Variants in BCAS3 observed in about 807,000 individuals in gnomAD.
BCAS3 encodes the protein BCAS4/BCAS3 fusion.
A neutral mutation model predicts 116.1 loss-of-function variants in BCAS3; 53 were observed. The observed-to-expected ratio is 0.46, with a 90% confidence interval of 0.37 to 0.57. BCAS3 has a LOEUF of 0.57. Ranked by LOEUF, BCAS3 falls within the 20% of genes least tolerant of loss-of-function variation. BCAS3 has a pLI of 0.00. For missense variants in BCAS3, 917 were observed against 1,165.4 expected (o/e 0.79, Z 3.10); for synonymous variants, 391 against 408.2 (o/e 0.96, Z 0.51).
chr17:60,689,467 A>G (rs1393099776), intron 3 of BCAS3, among the ~76,000 whole-genome samples: 2 of 152,134 alleles, frequency 1.3e-5, no homozygotes, highest in African/African-American at 4.8e-5. Context: ...CCTAGCCTGC[A>G]GTTCTTTTAA....
intron 22 of BCAS3, among the ~76,000 whole-genome samples, chr17:61,331,442 G>A (rs1208233377): frequency 6.6e-6 from 1 of 152,046 alleles, no homozygotes; most frequent in Non-Finnish European, 1.5e-5. Flanking sequence ...GCTTTATTTG[G>A]CACAGGAGGA....
At chr17:60,718,252 A>G (rs1487947613) in intron 5 of BCAS3, among the ~76,000 whole-genome samples, 1 of 150,034 alleles carries the variant, frequency 6.7e-6, no homozygotes, top group African/African-American at 2.5e-5. Flanking sequence ...ATTTTACTAT[A>G]CTTTTTTTTT....
In BCAS3 at chr17:61,220,108, A is replaced by G. The variant is rs2082026940; in HGVS notation, c.2425+135544A>G. On this transcript the variant is annotated intron_variant, in intron 22 of 23. Coordinates refer to ENST00000407086, the MANE Select transcript of BCAS3 (RefSeq NM_017679.5). The surrounding 1 kb of genome is among the most constrained non-coding windows in gnomAD (Gnocchi z 4.5). The stretch of plus-strand genomic sequence containing the variant: ...CAGGAGTTTGAGACCAGCCTGGCCA[A>G]TACAGTGAAATCACGTCTCTACTAA... Among the ~76,000 whole-genome samples the G allele has an allele frequency of 6.6e-6, 1 of 152,120 alleles. No individual in the cohort carries two copies. The highest frequency in any genetic ancestry group is 1.5e-5 in the Non-Finnish European group (1 of 68,024).
intron 7 of BCAS3, among the ~76,000 whole-genome samples, chr17:60,846,757 G>A (rs2052572189): frequency 6.6e-6 from 1 of 151,688 alleles, no homozygotes; most frequent in Non-Finnish European, 1.5e-5. Context: ...CAGCCTCCCT[G>A]CCTCCCTCCC....
chr17:60,976,919 C>T (rs960058223), intron 14 of BCAS3, among the ~76,000 whole-genome samples: 4 of 152,202 alleles, frequency 2.6e-5, no homozygotes, highest in Non-Finnish European at 4.4e-5. Flanking sequence ...AAACCGCCAT[C>T]GTCATCATGG....
intron 14 of BCAS3, among the ~76,000 whole-genome samples, chr17:60,981,255 C>T (rs1293857789): frequency 6.6e-6 from 1 of 151,762 alleles, no homozygotes; most frequent in Non-Finnish European, 1.5e-5. Context: ...AATATAGTAA[C>T]CTTGTAGATG....
In BCAS3 at chr17:60,960,803, C is replaced by T. The variant is rs962451172; in HGVS notation, c.1221+13451C>T. Reference sequence around the variant, plus strand: ...TTTCTTTTTTTTTTTTTAATCATGCCTTTGTGCCTTTCAGTCCAAGATGGC... The same window carrying T: ...TTTCTTTTTTTTTTTTTAATCATGCTTTTGTGCCTTTCAGTCCAAGATGGC... On this transcript the variant is annotated intron_variant, in intron 14 of 23. Coordinates refer to ENST00000407086, the MANE Select transcript of BCAS3 (RefSeq NM_017679.5). The surrounding 1 kb of genome is among the most constrained non-coding windows in gnomAD (Gnocchi z 4.1). Among the ~76,000 whole-genome samples, 1 of 150,776 alleles carries T rather than the reference C, an allele frequency of 6.6e-6. No individual in the cohort carries two copies. Among genetic ancestry groups the T allele is most frequent in the Admixed American group, 6.6e-5 (1 of 15,092 alleles).
chr17:61,155,235 C>T (rs764113399), intron 22 of BCAS3, among the ~76,000 whole-genome samples: 8 of 151,998 alleles, frequency 5.3e-5, no homozygotes, highest in Non-Finnish European at 1.2e-4. Context: ...TTTTAAAACA[C>T]ACAGTTTGAT....
At chr17:61,096,852 CAG>C (rs1438601853) in intron 22 of BCAS3, among the ~76,000 whole-genome samples, 2 of 152,070 alleles carry the variant, frequency 1.3e-5, no homozygotes, top group Non-Finnish European at 2.9e-5. Context: ...AAAACTGAAG[CAG>C]AGAGAGAAAA....
At chr17:60,703,854 T>A (rs2036750994) in intron 4 of BCAS3, among the ~76,000 whole-genome samples, 3 of 145,078 alleles carry the variant, frequency 2.1e-5, no homozygotes, top group Admixed American at 7.0e-5. Context: ...GCGGAGCTTG[T>A]AGTGAGCCGA....
intron 19 of BCAS3, among the ~76,000 whole-genome samples, chr17:61,067,725 AC>A (rs1400349485): frequency 9.1e-4 from 108 of 118,898 alleles, no homozygotes; most frequent in East Asian, 7.5e-3. Flanking sequence ...AAACAAACAA[AC>A]AAAAAAAAAA....
intron 6 of BCAS3, among the ~76,000 whole-genome samples, chr17:60,771,933 G>A (rs551311420): frequency 3.3e-5 from 5 of 152,196 alleles, no homozygotes; most frequent in South Asian, 2.1e-4. Flanking sequence ...TATGTGCCAC[G>A]TTTTCTTAAT....
At chr17:60,866,613 T>G (rs2054618231) in intron 7 of BCAS3, among the ~76,000 whole-genome samples, 1 of 152,200 alleles carries the variant, frequency 6.6e-6, no homozygotes, top group South Asian at 2.1e-4. Flanking sequence ...ATAGGTATAA[T>G]TTTTTGTTTT....
intron 6 of BCAS3, among the ~76,000 whole-genome samples, chr17:60,760,680 C>T (rs755310122): frequency 5.3e-4 from 81 of 152,040 alleles, no homozygotes; most frequent in Non-Finnish European, 4.0e-4. Context: ...TATAAAGTGC[C>T]GTGGAGGAAG....
intron 7 of BCAS3, among the ~76,000 whole-genome samples, chr17:60,857,458 A>G (rs1163353699): frequency 6.6e-6 from 1 of 152,214 alleles, no homozygotes; most frequent in Non-Finnish European, 1.5e-5. Flanking sequence ...TAGAAGTCAC[A>G]TGAAGACTGT....
intron 5 of BCAS3, among the ~76,000 whole-genome samples, chr17:60,721,070 G>T (rs1475405888): frequency 6.6e-6 from 1 of 152,118 alleles, no homozygotes. Flanking sequence ...CATTCTTGAG[G>T]TAAATGCCAA....
At chr17:60,727,954 C>T (rs2040065823) in intron 5 of BCAS3, among the ~76,000 whole-genome samples, 1 of 151,812 alleles carries the variant, frequency 6.6e-6, no homozygotes, top group Admixed American at 6.6e-5. Context: ...ACTACAGGTG[C>T]ATGCCACCAT....
At chr17:61,014,047 G>A (rs779205985) in intron 15 of BCAS3, among the ~76,000 whole-genome samples, 4 of 151,998 alleles carry the variant, frequency 2.6e-5, no homozygotes, top group Non-Finnish European at 4.4e-5. Context: ...CTTTTGCTGT[G>A]TACATAAATT....
rs1031237526 is a variant in BCAS3, at chr17:61,098,984, C to T, written c.2425+14420C>T. On this transcript the variant is annotated intron_variant, in intron 22 of 23. Coordinates refer to ENST00000407086, the MANE Select transcript of BCAS3 (RefSeq NM_017679.5). The surrounding 1 kb of genome is among the most constrained non-coding windows in gnomAD (Gnocchi z 4.2). ...CTAAAAATACGAAAAATTAGCCGGG[C>T]ATGGTGGCGCACACCTGTAGTCCCA... Among the ~76,000 whole-genome samples, 4 of 152,018 alleles carry T rather than the reference C, an allele frequency of 2.6e-5. No individual in the cohort carries two copies. Among genetic ancestry groups the T allele is most frequent in the African/African-American group, 9.7e-5 (4 of 41,390 alleles).
Sources: gnomAD v4.1 joint callset for allele counts (sites outside exome capture counted in the v4.1 genomes callset) on GRCh38, gnomAD v4.1.1 for gene constraint, Gnocchi (gnomAD v3.1) non-coding constraint, MANE v1.5 for transcripts, NCBI Gene and HGNC (gene_info 2026-07-23, HGNC 2026-07-21) for gene names.